Variants in DGKD observed in about 807,000 individuals in gnomAD.
DGKD encodes diacylglycerol kinase delta, also known as DAG kinase delta.
DGKD carries 68 observed loss-of-function variants against 154.4 expected under a neutral mutation model. The observed-to-expected ratio is 0.44, with a 90% CI of 0.36 to 0.54. The LOEUF is 0.54. Ranked by LOEUF, DGKD falls within the 20% of genes least tolerant of loss-of-function variation. DGKD has a pLI of 0.00. For missense variants in DGKD, 1,343 were observed against 1,593.6 expected (o/e 0.84, Z 2.68); for synonymous variants, 693 against 638.0 (o/e 1.09, Z -1.30).
At chr2:233,379,791 TTTTTA>T (rs1350245184) in intron 1 of DGKD, 1 of 152,178 alleles carries the variant, frequency 6.6e-6, no homozygotes, top group South Asian at 2.1e-4. Flanking sequence ...TTTCTTTACT[TTTTTA>T]TTTTATTTTA....
At position 233,440,868 on chromosome 2, in the gene DGKD, A is replaced by C. The variant is rs962314651; in HGVS notation, c.1086-1019A>C. On this transcript the variant is annotated intron_variant, in intron 9 of 29. Coordinates refer to ENST00000264057, the MANE Select transcript of DGKD (RefSeq NM_152879.3). This position sits in a 1 kb window ranked among gnomAD's most constrained non-coding sequence, Gnocchi z 4.9. ...GGCTCCTGTGGGACTCTGCGAGAGCACGGTGGTGACCTGAGCGGGTGGCTG... is the reference window on the plus strand; with the variant it reads ...GGCTCCTGTGGGACTCTGCGAGAGCCCGGTGGTGACCTGAGCGGGTGGCTG... Among the ~76,000 whole-genome samples the C allele has an allele frequency of 3.3e-5, 5 of 152,162 alleles. No homozygotes were observed. The highest frequency in any genetic ancestry group is 1.2e-4 in the African/African-American group (5 of 41,428).
rs965321465 is a variant in DGKD at position 233,458,608 on chromosome 2, T to C, written c.2694+211T>C. On this transcript the variant is annotated intron_variant, in intron 22 of 29. Coordinates refer to ENST00000264057, the MANE Select transcript of DGKD (RefSeq NM_152879.3). The surrounding 1 kb of genome is among the most constrained non-coding windows in gnomAD (Gnocchi z 6.6). ...CAGTTAAATTCTCAAGATAACTCTTTTTAATTTTTTTTTTTTTTTTTGAGA... is the reference window on the plus strand; with the variant it reads ...CAGTTAAATTCTCAAGATAACTCTTCTTAATTTTTTTTTTTTTTTTTGAGA... Among the ~76,000 whole-genome samples the C allele has an allele frequency of 2.0e-5, 3 of 148,410 alleles. No homozygotes were observed. Among genetic ancestry groups the C allele is most frequent in the Non-Finnish European group, 4.5e-5 (3 of 67,310 alleles).
At chr2:233,450,372 G>A (rs1455355126) in intron 16 of DGKD, among the ~76,000 whole-genome samples, 4 of 152,166 alleles carry the variant, frequency 2.6e-5, no homozygotes, top group East Asian at 1.9e-4. Context: ...CCATCAGGGC[G>A]AGGACTGCCT....
At chr2:233,464,925 C>T (rs1196928692) in intron 27 of DGKD, among the ~76,000 whole-genome samples, 1 of 152,248 alleles carries the variant, frequency 6.6e-6, no homozygotes, top group African/African-American at 2.4e-5. Context: ...TTGGGCAGTA[C>T]AGTTGCAGAA....
intron 3 of DGKD, among the ~76,000 whole-genome samples, chr2:233,425,955 G>C (rs1481465416): frequency 6.6e-6 from 1 of 152,182 alleles, no homozygotes; most frequent in Admixed American, 6.5e-5. Flanking sequence ...TTTCAAGTCT[G>C]ACAGATTTTA....
At chr2:233,412,522 A>G (rs931571981) in intron 3 of DGKD, among the ~76,000 whole-genome samples, 1 of 152,104 alleles carries the variant, frequency 6.6e-6, no homozygotes, top group Non-Finnish European at 1.5e-5. Flanking sequence ...TTCTATATAA[A>G]GTTGTATCAT....
chr2:233,448,438 G>C (rs2063156861), intron 14 of DGKD, 63 bp downstream of exon 14: 1 of 1,479,102 alleles, frequency 6.8e-7, no homozygotes, highest in Non-Finnish European at 9.4e-7. Context: ...TCTGTCACCA[G>C]CAGAGGGCCG....
intron 1 of DGKD, among the ~76,000 whole-genome samples, chr2:233,357,287 AATGGATCTGAGG>A (rs1311559945): frequency 6.6e-6 from 1 of 152,192 alleles, no homozygotes; most frequent in Non-Finnish European, 1.5e-5. Context: ...AAGGACAAAG[AATGGATCTGAGG>A]ACAAGCTGGC....
chr2:233,429,434 C>A, intron 3 of DGKD: 1 of 637,032 alleles, frequency 1.6e-6, no homozygotes, highest in Non-Finnish European at 2.0e-6. Flanking sequence ...CGATGACATG[C>A]ACCCACTCGG....
At chr2:233,466,016 A>G (rs867173305) in intron 27 of DGKD, among the ~76,000 whole-genome samples, 1 of 152,324 alleles carries the variant, frequency 6.6e-6, no homozygotes. Context: ...ATGTATAGTC[A>G]TCAACTTATG....
Position 233,354,857 on chromosome 2 carries a change from C to T in DGKD, c.156+183C>T, listed in dbSNP as rs1232520072. Among the ~76,000 whole-genome samples the T allele has an allele frequency of 1.4e-5, 2 of 145,130 alleles. No homozygotes were observed. Among genetic ancestry groups the T allele is most frequent in the East Asian group, 4.0e-4 (2 of 4,962 alleles). On this transcript the variant is annotated intron_variant, in intron 1 of 29. Coordinates refer to ENST00000264057, the MANE Select transcript of DGKD (RefSeq NM_152879.3). This position sits in a 1 kb window ranked among gnomAD's most constrained non-coding sequence, Gnocchi z 4.8. ...TAACGGGCCGGCGCCCCGGGCGGAGCGCGCGGCCCCCGACGGACGGCGGGC... is the reference window on the plus strand; with the variant it reads ...TAACGGGCCGGCGCCCCGGGCGGAGTGCGCGGCCCCCGACGGACGGCGGGC...
chr2:233,403,336 G>A (rs2061602864), intron 3 of DGKD, among the ~76,000 whole-genome samples: 1 of 152,140 alleles, frequency 6.6e-6, no homozygotes, highest in Admixed American at 6.5e-5. Flanking sequence ...GAGGCAGGCG[G>A]ATCACCTGAG....
chr2:233,364,153 A>G (rs1400149506), intron 1 of DGKD, among the ~76,000 whole-genome samples: 8 of 152,254 alleles, frequency 5.3e-5, no homozygotes, highest in Non-Finnish European at 8.8e-5. Flanking sequence ...AATGGAAACC[A>G]AAAGTCTATT....
At chr2:233,355,350 A>G (rs1313102564) in intron 1 of DGKD, among the ~76,000 whole-genome samples, 3 of 152,160 alleles carry the variant, frequency 2.0e-5, no homozygotes, top group African/African-American at 7.2e-5. Context: ...TGCAGGAGGA[A>G]AGTTGCACCG....
chr2:233,374,138 C>T (rs1178776015), intron 1 of DGKD, among the ~76,000 whole-genome samples: 1 of 146,166 alleles, frequency 6.8e-6, no homozygotes, highest in African/African-American at 2.5e-5. Flanking sequence ...GCAACCTCCA[C>T]CTCCCGGGTT....
rs538029887 is a variant in DGKD at position 233,447,992 on chromosome 2, G to A, written c.1420-95G>A. The A allele has an allele frequency of 3.2e-5, 50 of 1,579,476 alleles. No homozygotes were observed. In the African/African-American group the frequency reaches 6.4e-4, roughly 20 times the overall value. On this transcript the variant is annotated intron_variant, in intron 12 of 29. Transcript: ENST00000264057. Reference sequence around the variant, plus strand: ...AGGAGAGACTCATCTTTCCCAGCTTGTGCTGGCAAGGAAGTGGCTGACAGA... The same window carrying A: ...AGGAGAGACTCATCTTTCCCAGCTTATGCTGGCAAGGAAGTGGCTGACAGA...
intron 24 of DGKD, among the ~76,000 whole-genome samples, chr2:233,461,480 C>T (rs1015969288): frequency 1.3e-5 from 2 of 152,256 alleles, no homozygotes; most frequent in Non-Finnish European, 2.9e-5. Context: ...CGGCTGCAGT[C>T]CTTCCTGGCG....
chr2:233,363,972 A>G (rs1470812158), intron 1 of DGKD, among the ~76,000 whole-genome samples: 2 of 152,248 alleles, frequency 1.3e-5, no homozygotes, highest in East Asian at 1.9e-4. Flanking sequence ...TAAGCAACTG[A>G]TAACTGTAGC....
intron 29 of DGKD, 69 bp downstream of exon 29, chr2:233,468,622 C>T (rs1323325335): frequency 5.6e-6 from 9 of 1,594,180 alleles, no homozygotes; most frequent in Non-Finnish European, 7.7e-6. Context: ...CTTCCATCCT[C>T]TCCCCCGACC....
Sources: gnomAD v4.1 joint callset for allele counts (sites outside exome capture counted in the v4.1 genomes callset) on GRCh38, gnomAD v4.1.1 for gene constraint, Gnocchi (gnomAD v3.1) non-coding constraint, MANE v1.5 for transcripts, NCBI Gene and HGNC (gene_info 2026-07-23, HGNC 2026-07-21) for gene names.